The following MYO18B variants were observed in gnomAD, a reference collection of about 807,000 sequenced individuals.
MYO18B encodes myosin XVIIIB.
MYO18B carries 204 observed loss-of-function variants against 273.0 expected under a neutral mutation model. The observed-to-expected ratio is 0.75, with a 90% CI of 0.67 to 0.84. The LOEUF is 0.84. Ranked by LOEUF, MYO18B falls within the 40% of genes least tolerant of loss-of-function variation. The pLI is 0.00. For missense variants in MYO18B, 3,212 were observed against 3,287.6 expected (o/e 0.98, Z 0.56); for synonymous variants, 1,330 against 1,305.7 (o/e 1.02, Z -0.40).
intron 39 of MYO18B, among the ~76,000 whole-genome samples, chr22:25,958,063 C>T (rs1346908493): frequency 3.3e-5 from 5 of 152,010 alleles, no homozygotes; most frequent in South Asian, 2.1e-4. Context: ...TACAGATGCG[C>T]GCCACCATGC....
chr22:25,890,753 C>G lies in MYO18B; in HGVS notation c.4315-3C>G. 1.2e-6 allele frequency: 2 copies of G among 1,613,846 alleles called. No individual in the cohort carries two copies. The highest frequency in any genetic ancestry group is 1.7e-6 in the Non-Finnish European group (2 of 1,179,840). The stretch of plus-strand genomic sequence containing the variant: ...TCCTTGATCACCCCATTCCCCATCT[C>G]AGATTGCTGACTTGACCTCTGACCT... On this transcript the variant is annotated splice_region_variant and splice_polypyrimidine_tract_variant and intron_variant, in intron 25 of 43. Transcript: ENST00000335473.
intron 42 of MYO18B, among the ~76,000 whole-genome samples, chr22:26,023,084 C>T (rs1319763447): frequency 6.6e-6 from 1 of 152,234 alleles, no homozygotes; most frequent in African/African-American, 2.4e-5. Flanking sequence ...TCCCCTCTCT[C>T]CTTCTTGCGT....
chr22:26,052,808 G>GT, the MYO18B span, among the ~76,000 whole-genome samples: 13,282 of 143,220 alleles, frequency 0.093, 919 homozygotes, highest in African/African-American at 0.19. Context: ...TTTTTTTTTG[G>GT]TTTTTTTTTT....
In MYO18B at chr22:25,785,408, G is replaced by C. The variant is rs556710372; in HGVS notation, c.2313-20G>C. 2 of 1,598,702 alleles carry C rather than the reference G, an allele frequency of 1.3e-6. No individual in the cohort carries two copies. The highest frequency in any genetic ancestry group is 8.5e-7 in the Non-Finnish European group (1 of 1,172,916). ...GGTGTGGACAGCCCCCCTGACTCCT[G>C]GTTCCTTCTGTGCTTCCAGGACGGA... On this transcript the variant is annotated intron_variant, in intron 10 of 43. Coordinates refer to ENST00000335473, the MANE Select transcript of MYO18B (RefSeq NM_032608.7).
intron 36 of MYO18B, among the ~76,000 whole-genome samples, chr22:25,948,459 C>CTTCCTTCTTTCTTTCTTTCTTTCT (rs1442898869): frequency 5.9e-5 from 4 of 67,724 alleles, no homozygotes; most frequent in African/African-American, 2.1e-4. Context: ...TCCTTCCTTC[C>CTTCCTTCTTTCTTTCTTTCTTTCT]TTCTTTCTTT....
chr22:25,776,178 A>G (rs567668243), intron 7 of MYO18B, among the ~76,000 whole-genome samples: 199 of 152,336 alleles, frequency 1.3e-3, no homozygotes, highest in Admixed American at 2.1e-3. Flanking sequence ...AGGCAGCACA[A>G]TGCATTGGAG....
chr22:26,031,355 G>A (rs1050796457), downstream of MYO18B, among the ~76,000 whole-genome samples: 2 of 152,146 alleles, frequency 1.3e-5, no homozygotes, highest in South Asian at 2.1e-4. Flanking sequence ...CATAGCTGGA[G>A]GGTTGAAGTC....
intron 29 of MYO18B, 98 bp downstream of exon 29, chr22:25,898,559 C>T (rs2091862730): frequency 7.6e-7 from 1 of 1,315,752 alleles, no homozygotes; most frequent in Non-Finnish European, 1.1e-6. Context: ...TCCCTCACTT[C>T]AACTCCCTTG....
intron 16 of MYO18B, among the ~76,000 whole-genome samples, chr22:25,834,316 C>T (rs1251168917): frequency 6.6e-6 from 1 of 151,914 alleles, no homozygotes; most frequent in East Asian, 1.9e-4. Flanking sequence ...CCACCCTTAA[C>T]AACTATTTTC....
intron 12 of MYO18B, among the ~76,000 whole-genome samples, chr22:25,805,251 C>G (rs1303382160): frequency 6.6e-6 from 1 of 152,192 alleles, no homozygotes; most frequent in East Asian, 1.9e-4. Flanking sequence ...TGAAGCTCCT[C>G]CAGGAGAAAC....
intron 16 of MYO18B, 105 bp from the exon 17 acceptor site, chr22:25,835,191 A>G: frequency 7.2e-7 from 1 of 1,383,058 alleles, no homozygotes; most frequent in Non-Finnish European, 9.6e-7. Context: ...GAGTCCTGAC[A>G]CTTGGGACTT....
chr22:25,813,909 G>A (rs1208358372), intron 12 of MYO18B, among the ~76,000 whole-genome samples: 4 of 152,162 alleles, frequency 2.6e-5, no homozygotes, highest in African/African-American at 9.7e-5. Context: ...TGCCCCAGCT[G>A]GTGACTTGGC....
intron 40 of MYO18B, among the ~76,000 whole-genome samples, chr22:25,996,908 C>T (rs9613072): frequency 0.12 from 17,846 of 152,120 alleles, 1,131 homozygotes; most frequent in Middle Eastern, 0.15. Context: ...TCCCTTTCTC[C>T]TACCTTTCTT....
intron 16 of MYO18B, among the ~76,000 whole-genome samples, chr22:25,833,706 C>T (rs746388474): frequency 2.6e-4 from 39 of 152,302 alleles, no homozygotes; most frequent in African/African-American, 8.4e-4. Flanking sequence ...TCCTCATTTC[C>T]AGAATGGGGA....
chr22:25,764,138 G>C (rs133889), intron 3 of MYO18B, among the ~76,000 whole-genome samples: 89,964 of 152,078 alleles, frequency 0.59, 29,078 homozygotes, highest in African/African-American at 0.85. Context: ...GCTGGTGTCC[G>C]TCCTGATTGG....
chr22:25,925,891 C>T (rs916124062), intron 34 of MYO18B, among the ~76,000 whole-genome samples: 20 of 106,526 alleles, frequency 1.9e-4, no homozygotes, highest in Non-Finnish European at 3.5e-4. Context: ...GGCAACAGAG[C>T]AAGACTCTGT....
chr22:25,851,347 C>A, intron 20 of MYO18B, 123 bp from the exon 21 acceptor site: 1 of 663,444 alleles, frequency 1.5e-6, no homozygotes, highest in South Asian at 1.7e-5. Context: ...TGAGTCCATG[C>A]AGCAAGTTAG....
intron 42 of MYO18B, among the ~76,000 whole-genome samples, chr22:26,017,109 C>CT (rs1376254254): frequency 2.1e-5 from 3 of 141,770 alleles, no homozygotes; most frequent in African/African-American, 5.3e-5. Context: ...CACTCACTCA[C>CT]TCCCTTCCTT....
chr22:25,828,419 A>C (rs2089573498), intron 14 of MYO18B, among the ~76,000 whole-genome samples: 1 of 152,160 alleles, frequency 6.6e-6, no homozygotes, highest in African/African-American at 2.4e-5. Context: ...TAAATAAAAT[A>C]GTTTTTTGAT....
Sources: gnomAD v4.1 joint callset for allele counts (sites outside exome capture counted in the v4.1 genomes callset) on GRCh38, gnomAD v4.1.1 for gene constraint, MANE v1.5 for transcripts, NCBI Gene and HGNC (gene_info 2026-07-23, HGNC 2026-07-21) for gene names.